RAP1GAP2: variants seen among roughly 807,000 people sequenced by gnomAD.
RAP1GAP2 encodes RAP1 GTPase activating protein 2, also known as rap1 GTPase-activating protein 2.
A neutral mutation model predicts 95.0 loss-of-function variants in RAP1GAP2; 27 were observed. That is an observed-to-expected ratio of 0.28 (90% CI 0.21 to 0.39). The LOEUF is 0.39. RAP1GAP2 is among the 10% of genes least tolerant of loss of function. The probability of loss-of-function intolerance (pLI) is 1.00; values close to 1 mark genes in which losing one functional copy is unlikely to be tolerated. For synonymous variants in RAP1GAP2, 373 were observed against 380.9 expected (o/e 0.98, Z 0.24); for missense variants, 771 against 970.0 (o/e 0.79, Z 2.72).
At chr17:2,807,421 G>C (rs1250915924) in intron 2 of RAP1GAP2, among the ~76,000 whole-genome samples, 1 of 152,168 alleles carries the variant, frequency 6.6e-6, no homozygotes, top group Non-Finnish European at 1.5e-5. Context: ...GTCAAGGACA[G>C]GGGGAGCTTG....
At chr17:3,017,813 C>T (rs776035531) in intron 17 of RAP1GAP2, among the ~76,000 whole-genome samples, 2 of 152,152 alleles carry the variant, frequency 1.3e-5, no homozygotes, top group Non-Finnish European at 2.9e-5. Flanking sequence ...CTCAGATTCC[C>T]TCCAGCCGGG....
At chr17:3,031,840 C>G (rs895018473) in intron 23 of RAP1GAP2, among the ~76,000 whole-genome samples, 2 of 147,148 alleles carry the variant, frequency 1.4e-5, no homozygotes, top group Admixed American at 1.3e-4. Context: ...CCTGAGCTCT[C>G]CAGACTATCG....
chr17:2,897,255 C>G (rs1052462083), intron 2 of RAP1GAP2, among the ~76,000 whole-genome samples: 1 of 151,898 alleles, frequency 6.6e-6, no homozygotes, highest in Non-Finnish European at 1.5e-5. Context: ...GGAGAATTGC[C>G]GGAACCCAGG....
rs536730632 is a variant in RAP1GAP2 at position 2,809,545 on chromosome 17, C to A, written c.80+8995C>A. Among the ~76,000 whole-genome samples, 647 of 152,282 alleles carry A rather than the reference C, an allele frequency of 4.2e-3. 2 individuals are homozygous for A. Among genetic ancestry groups the A allele is most frequent in the African/African-American group, 0.015 (611 of 41,568 alleles). On this transcript the variant is annotated intron_variant, in intron 2 of 24. Coordinates refer to ENST00000254695, the MANE Select transcript of RAP1GAP2 (RefSeq NM_015085.5). ...TCTCAGCTCCCCGGGTCCTCATGAA[C>A]CCCCAGGCCTCTGGCCATGCACTTG...
At chr17:2,905,464 C>A (rs555571114) in intron 3 of RAP1GAP2, 96 bp downstream of exon 3, 2 of 1,223,920 alleles carry the variant, frequency 1.6e-6, no homozygotes, top group East Asian at 2.5e-5. Context: ...CAGCGTCCGT[C>A]GCAGTGGGGC....
chr17:2,997,875 ATC>A (rs2046013027), intron 13 of RAP1GAP2, among the ~76,000 whole-genome samples: 1 of 150,574 alleles, frequency 6.6e-6, no homozygotes, highest in Non-Finnish European at 1.5e-5. Flanking sequence ...GTGAGCCGAG[ATC>A]GTGCCACGGC....
At chr17:2,949,545 G>C (rs1320888955) in intron 3 of RAP1GAP2, among the ~76,000 whole-genome samples, 3 of 151,618 alleles carry the variant, frequency 2.0e-5, no homozygotes, top group Admixed American at 6.6e-5. Flanking sequence ...AGTGCCTGCT[G>C]TATGCCCTGA....
At chr17:2,775,241 C>T (rs985724784), upstream of RAP1GAP2, among the ~76,000 whole-genome samples, 4 of 152,120 alleles carry the variant, frequency 2.6e-5, no homozygotes, top group African/African-American at 9.7e-5. Context: ...CCTCCATGGG[C>T]CACACATTCT....
chr17:3,023,702 T>C (rs11657061), intron 19 of RAP1GAP2, among the ~76,000 whole-genome samples: 28,745 of 152,154 alleles, frequency 0.19, 2,879 homozygotes, highest in Middle Eastern at 0.23. Context: ...GTTTGTTACA[T>C]AGGTATACAT....
chr17:2,971,909 A>G (rs183386435), intron 8 of RAP1GAP2, among the ~76,000 whole-genome samples: 1 of 152,232 alleles, frequency 6.6e-6, no homozygotes, highest in African/African-American at 2.4e-5. Context: ...AAGCAATAAG[A>G]TAGGTAACTA....
At chr17:2,838,796 A>G in intron 2 of RAP1GAP2, among the ~76,000 whole-genome samples, 1 of 152,164 alleles carries the variant, frequency 6.6e-6, no homozygotes, top group Non-Finnish European at 1.5e-5. Flanking sequence ...CTTTCTGTGC[A>G]GCTCATCACT....
At chr17:2,889,889 A>ATATATATATATATATATATATATTT (rs1408426152) in intron 2 of RAP1GAP2, among the ~76,000 whole-genome samples, 1 of 57,316 alleles carries the variant, frequency 1.7e-5, no homozygotes, top group Admixed American at 2.8e-4. Flanking sequence ...ATATATATAT[A>ATATATATATATATATATATATATTT]TTTTTTTTTT....
chr17:2,967,033 A>T (rs2044632235), intron 8 of RAP1GAP2, among the ~76,000 whole-genome samples: 1 of 152,200 alleles, frequency 6.6e-6, no homozygotes, highest in Non-Finnish European at 1.5e-5. Flanking sequence ...GACTAAAAGT[A>T]GGTGAATATT....
intron 2 of RAP1GAP2, among the ~76,000 whole-genome samples, chr17:2,837,049 A>G (rs931066017): frequency 1.3e-5 from 2 of 152,072 alleles, no homozygotes; most frequent in African/African-American, 4.8e-5. Flanking sequence ...CCAGGAGTTC[A>G]AGACCAGTGT....
At chr17:3,012,611 A>C (rs2046594097) in intron 17 of RAP1GAP2, among the ~76,000 whole-genome samples, 1 of 129,376 alleles carries the variant, frequency 7.7e-6, no homozygotes, top group African/African-American at 3.1e-5. Flanking sequence ...GTCTCAAAAA[A>C]AAAAAAAAAA....
At position 3,036,104 on chromosome 17, in the gene RAP1GAP2, C is replaced by T. The variant is rs899017658; in HGVS notation, c.*2743C>T. ...ACGCTTAAAAACAGGTGCAGAAAAG[C>T]TCGCGATGGAAGGTCTTAATGAGAG... On this transcript the variant is annotated 3_prime_UTR_variant, in exon 25 of 25. Coordinates refer to ENST00000254695, the MANE Select transcript of RAP1GAP2 (RefSeq NM_015085.5). The T allele has an allele frequency of 6.6e-6, 1 of 152,252 alleles. No individual in the cohort carries two copies. Among genetic ancestry groups the T allele is most frequent in the African/African-American group, 2.4e-5 (1 of 41,458 alleles). 9.4% of individuals were successfully genotyped at this position (152,252 alleles called of 1,614,324 possible). A position where few individuals can be genotyped will look rare whatever the true frequency, so the allele number is the denominator to read the frequency against.
chr17:2,922,259 G>A (rs557673357), intron 3 of RAP1GAP2, among the ~76,000 whole-genome samples: 1 of 152,328 alleles, frequency 6.6e-6, no homozygotes, highest in Admixed American at 6.5e-5. Context: ...CCTTCTATGA[G>A]GACGTTAATC....
At chr17:2,896,092 C>A (rs2041814415) in intron 2 of RAP1GAP2, among the ~76,000 whole-genome samples, 1 of 152,052 alleles carries the variant, frequency 6.6e-6, no homozygotes, top group Non-Finnish European at 1.5e-5. Context: ...AGCTGGTCTC[C>A]CAAGGAGAAC....
chr17:2,886,159 G>GTATATA (rs1183105503), intron 2 of RAP1GAP2, among the ~76,000 whole-genome samples: 1 of 119,708 alleles, frequency 8.4e-6, no homozygotes, highest in Admixed American at 8.5e-5. Context: ...GTGTGTGTGT[G>GTATATA]TGTATATATA....
Sources: allele counts gnomAD v4.1 joint callset (sites outside exome capture counted in the v4.1 genomes callset), GRCh38; gene constraint gnomAD v4.1.1; transcripts MANE v1.5; gene names NCBI Gene and HGNC (gene_info 2026-07-23, HGNC 2026-07-21).